The following PGM5 variants were observed in gnomAD, a reference collection of about 807,000 sequenced individuals.
PGM5 encodes the protein phosphoglucomutase 5, also known as phosphoglucomutase-like protein 5.
A neutral mutation model predicts 59.2 loss-of-function variants in PGM5; 23 were observed. That is an observed-to-expected ratio of 0.39 (90% CI 0.28 to 0.55). The LOEUF (loss-of-function observed/expected upper bound fraction) is 0.55, where lower values mean the gene tolerates loss of function less well. Ranked by LOEUF, PGM5 falls within the 20% of genes least tolerant of loss-of-function variation. PGM5 has a pLI of 0.66. For synonymous variants in PGM5, 214 were observed against 286.0 expected (o/e 0.75, Z 2.54); for missense variants, 574 against 748.3 (o/e 0.77, Z 2.72).
At chr9:68,418,630 G>A (rs1328974106) in intron 6 of PGM5, among the ~76,000 whole-genome samples, 7 of 151,980 alleles carry the variant, frequency 4.6e-5, no homozygotes, top group Admixed American at 2.6e-4. Context: ...GCTGCGGCCT[G>A]CTGTTTGGCA....
chr9:68,470,629 T>C (rs556740778), intron 7 of PGM5, among the ~76,000 whole-genome samples: 2 of 152,384 alleles, frequency 1.3e-5, no homozygotes, highest in Admixed American at 6.5e-5. Context: ...CCTCTACATT[T>C]GTCTCTTTTC....
chr9:68,467,687 A>G (rs112611248), intron 7 of PGM5, among the ~76,000 whole-genome samples: 13,800 of 151,906 alleles, frequency 0.091, 1,205 homozygotes, highest in African/African-American at 0.23. Context: ...TCTTCTTTAC[A>G]TTTTGCCCTT....
At chr9:68,387,980 TC>T (rs1822269465) in intron 4 of PGM5, among the ~76,000 whole-genome samples, 1 of 151,846 alleles carries the variant, frequency 6.6e-6, no homozygotes, top group African/African-American at 2.4e-5. Flanking sequence ...TTCAGCTGTT[TC>T]TTTTTTGTAT....
At position 68,384,458 on chromosome 9, in the gene PGM5, A is replaced by G; in HGVS notation, c.485A>G (p.Tyr162Cys). The G allele has an allele frequency of 6.2e-7, 1 of 1,602,284 alleles. No individual in the cohort carries two copies. The highest frequency in any genetic ancestry group is 1.3e-5 in the African/African-American group (1 of 74,694). ...IYQISKTIEEYAICPDLRIDL... is the reference protein window; with the variant it reads ...IYQISKTIEECAICPDLRIDL... ...CAAATCAGCAAAACGATTGAGGAATATGCTATATGTCCTGATCTCCGAATC... is the reference window on the plus strand; with the variant it reads ...CAAATCAGCAAAACGATTGAGGAATGTGCTATATGTCCTGATCTCCGAATC... The change falls in exon 3 of 11, where the codon TAT becomes TGT. Residue 162 changes from tyrosine (Y) to cysteine (C), a missense_variant. By Grantham distance (194) the Tyr-to-Cys change is radical. Transcript: ENST00000396396.
At chr9:68,449,503 G>A (rs782134682) in intron 6 of PGM5, among the ~76,000 whole-genome samples, 4 of 152,194 alleles carry the variant, frequency 2.6e-5, no homozygotes, top group Non-Finnish European at 5.9e-5. Flanking sequence ...GGTGCCCTCT[G>A]ATGGGGACCC....
At chr9:68,466,028 C>A (rs567647615) in intron 7 of PGM5, 2 of 595,554 alleles carry the variant, frequency 3.4e-6, no homozygotes, top group African/African-American at 2.0e-5. Context: ...TCAAATATTT[C>A]TCCTTCCCCA....
At chr9:68,400,734 G>C (rs1189043177) in intron 6 of PGM5, 1 of 152,334 alleles carries the variant, frequency 6.6e-6, no homozygotes, top group Admixed American at 6.6e-5. Context: ...TTTACATTTA[G>C]GTGAGTTTGT....
chr9:68,361,670 C>T (rs1277783581), intron 1 of PGM5, among the ~76,000 whole-genome samples: 1 of 152,202 alleles, frequency 6.6e-6, no homozygotes, highest in Admixed American at 6.5e-5. Context: ...TATAAGGGCA[C>T]TAATTCCAAT....
intron 6 of PGM5, among the ~76,000 whole-genome samples, chr9:68,408,110 G>T (rs1468346681): frequency 3.3e-5 from 5 of 152,236 alleles, no homozygotes; most frequent in Non-Finnish European, 5.9e-5. Context: ...TTTCCCCCCA[G>T]ATGGGGTTTC....
intron 6 of PGM5, among the ~76,000 whole-genome samples, chr9:68,425,488 ATATC>A (rs1823220213): frequency 6.6e-6 from 1 of 152,210 alleles, no homozygotes; most frequent in Non-Finnish European, 1.5e-5. Context: ...TCATAAATAT[ATATC>A]TTATCTTATA....
intron 10 of PGM5, among the ~76,000 whole-genome samples, chr9:68,510,723 A>C (rs1195336555): frequency 3.9e-5 from 6 of 152,194 alleles, no homozygotes; most frequent in Non-Finnish European, 8.8e-5. Context: ...TCCTGAGAAC[A>C]TGTGCCCAAG....
chr9:68,406,035 C>T (rs1266505326), intron 6 of PGM5: 2 of 152,088 alleles, frequency 1.3e-5, no homozygotes, highest in African/African-American at 2.4e-5. Context: ...GAGGGAGAGA[C>T]AGGGAATGTA....
chr9:68,365,631 C>A (rs1230112563), intron 1 of PGM5, among the ~76,000 whole-genome samples: 2 of 152,106 alleles, frequency 1.3e-5, no homozygotes, highest in Non-Finnish European at 2.9e-5. Flanking sequence ...AGTCTGAAGT[C>A]GTAGAAGCAT....
rs11142647 is a variant in PGM5, at chr9:68,492,368, A to G, written c.1480-6859A>G. ...AGCTTTCAAGTCTTCGCCCTCCAGC[A>G]GCCCTCTCATCACCTAGCATGGCTT... On this transcript the variant is annotated intron_variant, in intron 9 of 10. Coordinates refer to ENST00000396396, the MANE Select transcript of PGM5 (RefSeq NM_021965.4). 1.2e-3 allele frequency among the ~76,000 whole-genome samples: 189 copies of G among 152,338 alleles called. 2 individuals are homozygous for G. The East Asian group carries it at 0.036, about 29-fold the overall frequency.
At chr9:68,377,973 AG>A (rs782727116) in intron 1 of PGM5, among the ~76,000 whole-genome samples, 1 of 152,202 alleles carries the variant, frequency 6.6e-6, no homozygotes, top group Non-Finnish European at 1.5e-5. Flanking sequence ...TCCTATTTAC[AG>A]GTTAATAATT....
At chr9:68,502,833 G>A (rs906851700) in intron 10 of PGM5, among the ~76,000 whole-genome samples, 28 of 152,106 alleles carry the variant, frequency 1.8e-4, no homozygotes, top group African/African-American at 6.8e-4. Context: ...GGGATTACAG[G>A]TGACCGCCAC....
intron 10 of PGM5, among the ~76,000 whole-genome samples, chr9:68,503,417 A>G (rs533032292): frequency 4.8e-4 from 73 of 152,348 alleles, no homozygotes; most frequent in African/African-American, 1.7e-3. Flanking sequence ...TGAATACTGT[A>G]CTGAAAGTGA....
At chr9:68,472,056 T>C (rs782210751) in intron 7 of PGM5, among the ~76,000 whole-genome samples, 20 of 151,806 alleles carry the variant, frequency 1.3e-4, no homozygotes, top group Non-Finnish European at 2.5e-4. Context: ...TGGCTGGCCA[T>C]GATATGGTTA....
At chr9:68,471,970 CA>C (rs35694675) in intron 7 of PGM5, among the ~76,000 whole-genome samples, 31,352 of 128,156 alleles carry the variant, frequency 0.24, 3,699 homozygotes, top group Middle Eastern at 0.34. Flanking sequence ...GCCTTGGTGA[CA>C]AAAAAAAAAA....
Sources: gnomAD v4.1 joint callset for allele counts (sites outside exome capture counted in the v4.1 genomes callset) on GRCh38, gnomAD v4.1.1 for gene constraint, MANE v1.5 for transcripts, NCBI Gene and HGNC (gene_info 2026-07-23, HGNC 2026-07-21) for gene names.